Variants in MACROD2 observed in about 807,000 individuals in gnomAD.
The protein encoded by MACROD2 is mono-ADP ribosylhydrolase 2, also known as ADP-ribose glycohydrolase MACROD2.
MACROD2 carries 36 observed loss-of-function variants against 70.4 expected under a neutral mutation model. The ratio of observed to expected loss-of-function variants is 0.51; its 90% CI spans 0.39 to 0.68. The LOEUF (loss-of-function observed/expected upper bound fraction) is 0.68. Ranked by LOEUF, MACROD2 falls within the 30% of genes least tolerant of loss-of-function variation. The probability of loss-of-function intolerance (pLI) is 0.00; values close to 1 mark genes in which losing one functional copy is unlikely to be tolerated. For missense variants in MACROD2, 496 were observed against 538.4 expected (o/e 0.92, Z 0.78); for synonymous variants, 172 against 178.8 (o/e 0.96, Z 0.30).
At chr20:15,567,436 G>A (rs545197543) in intron 8 of MACROD2, among the ~76,000 whole-genome samples, 1 of 152,262 alleles carries the variant, frequency 6.6e-6, no homozygotes, top group African/African-American at 2.4e-5. Context: ...GAGATGCCAG[G>A]ACGCGCTGCC....
chr20:14,746,517 G>A (rs994717830), intron 5 of MACROD2, among the ~76,000 whole-genome samples: 8 of 152,146 alleles, frequency 5.3e-5, no homozygotes, highest in African/African-American at 1.9e-4. Context: ...GTATGTGTGT[G>A]TGTCTGTGTC....
chr20:15,813,853 G>C lies in MACROD2; in HGVS notation c.646-48892G>C, dbSNP rs543197890. 3.9e-5 allele frequency among the ~76,000 whole-genome samples: 6 copies of C among 152,226 alleles called. No homozygotes were observed. In the East Asian group the frequency reaches 1.2e-3, roughly 29 times the overall value. ...GACAGTGTGATACATGTGTACATAG[G>C]GAAGAAACTAGCCCACGGAGTTCAC... On this transcript the variant is annotated intron_variant, in intron 8 of 17. Coordinates refer to ENST00000684519, the MANE Select transcript of MACROD2 (RefSeq NM_001351661.2).
At chr20:14,790,548 G>A (rs2208083) in intron 5 of MACROD2, among the ~76,000 whole-genome samples, 130,848 of 152,096 alleles carry the variant, frequency 0.86, 56,792 homozygotes, top group African/African-American at 0.92. Context: ...CAAGGCAGAG[G>A]CATATTGTGC....
At chr20:14,679,244 G>T (rs1348664239) in intron 4 of MACROD2, among the ~76,000 whole-genome samples, 1 of 152,168 alleles carries the variant, frequency 6.6e-6, no homozygotes, top group Non-Finnish European at 1.5e-5. Context: ...GTTGTAAATG[G>T]TTTCTTAAAA....
At chr20:14,763,454 G>A (rs1334739737) in intron 5 of MACROD2, among the ~76,000 whole-genome samples, 1 of 152,088 alleles carries the variant, frequency 6.6e-6, no homozygotes, top group African/African-American at 2.4e-5. Context: ...GTTTCTCTCT[G>A]TGACTTTGTG....
Position 15,832,601 on chromosome 20 carries a change from G to C in MACROD2, c.646-30144G>C, listed in dbSNP as rs546052611. On this transcript the variant is annotated intron_variant, in intron 8 of 17. Coordinates refer to ENST00000684519, the MANE Select transcript of MACROD2 (RefSeq NM_001351661.2). ...GGAAAAAACACCCATACATATTCCC[G>C]TTTATAAATTGCCAGGCTTCTGTCA... Among the ~76,000 whole-genome samples the C allele has an allele frequency of 2.5e-4, 38 of 152,326 alleles. 3 individuals are homozygous for C. In the South Asian group the frequency reaches 6.8e-3, roughly 27 times the overall value.
intron 8 of MACROD2, among the ~76,000 whole-genome samples, chr20:15,765,838 A>C (rs985902557): frequency 1.3e-5 from 2 of 152,208 alleles, no homozygotes; most frequent in Non-Finnish European, 2.9e-5. Flanking sequence ...TGCAATGACA[A>C]TCTATACAAT....
intron 8 of MACROD2, among the ~76,000 whole-genome samples, chr20:15,656,944 T>G (rs1171998192): frequency 6.6e-6 from 1 of 152,134 alleles, no homozygotes; most frequent in Non-Finnish European, 1.5e-5. Context: ...TAAGTAAGTA[T>G]ATGATAAAAA....
At position 15,933,284 on chromosome 20, in the gene MACROD2, G is replaced by T. The variant is rs747259774; in HGVS notation, c.784G>T (p.Gly262Cys). The change falls in exon 11 of 18, where the codon GGT (glycine) becomes TGT (cysteine). Residue 262 changes from glycine to cysteine, a missense_variant. Transcript: ENST00000684519. ...VEMKEDSDEN[G>C]PEEKQSVEEM... is the part of the protein sequence containing the mutation. ...TGTGGTTTTCTTGAAAGATGAGAAC[G>T]GTCCAGAGGAGAAGCAAAGTGTGGA... 7 of 1,613,018 alleles carry T rather than the reference G, an allele frequency of 4.3e-6. No individual in the cohort carries two copies. Among genetic ancestry groups the T allele is most frequent in the Non-Finnish European group, 5.1e-6 (6 of 1,179,380 alleles).
intron 8 of MACROD2, among the ~76,000 whole-genome samples, chr20:15,594,107 G>A (rs974371554): frequency 6.6e-6 from 1 of 152,156 alleles, no homozygotes; most frequent in Non-Finnish European, 1.5e-5. Flanking sequence ...AAGAGTGTGG[G>A]CATTGAAGAC....
At chr20:15,082,393 A>G (rs1338756953) in intron 5 of MACROD2, among the ~76,000 whole-genome samples, 4 of 152,156 alleles carry the variant, frequency 2.6e-5, no homozygotes, top group Non-Finnish European at 4.4e-5. Flanking sequence ...GGAAAAAGAT[A>G]ATATAGAATG....
intron 4 of MACROD2, among the ~76,000 whole-genome samples, chr20:14,509,996 A>T (rs2085011353): frequency 6.6e-6 from 1 of 152,062 alleles, no homozygotes; most frequent in South Asian, 2.1e-4. Flanking sequence ...TTCCCTTTTA[A>T]AAGTCTTTAT....
intron 8 of MACROD2, among the ~76,000 whole-genome samples, chr20:15,860,333 C>G (rs1309945234): frequency 6.6e-6 from 1 of 152,100 alleles, no homozygotes; most frequent in Non-Finnish European, 1.5e-5. Context: ...CACTGTTCAG[C>G]CTTGTCTTCT....
chr20:15,739,907 C>T (rs1033246389), intron 8 of MACROD2, among the ~76,000 whole-genome samples: 1 of 152,194 alleles, frequency 6.6e-6, no homozygotes, highest in African/African-American at 2.4e-5. Flanking sequence ...ATAATAATGG[C>T]ATTACATTTC....
At chr20:15,413,034 G>A (rs1236289469) in intron 6 of MACROD2, among the ~76,000 whole-genome samples, 1 of 152,116 alleles carries the variant, frequency 6.6e-6, no homozygotes, top group Non-Finnish European at 1.5e-5. Flanking sequence ...GTAGAATAAA[G>A]ATCCATTAGT....
chr20:14,444,146 G>A (rs890136691), intron 3 of MACROD2, among the ~76,000 whole-genome samples: 4 of 152,060 alleles, frequency 2.6e-5, no homozygotes, highest in Admixed American at 6.5e-5. Context: ...AGGGGATACA[G>A]TAAATTAGAA....
chr20:14,029,606 T>C (rs1017936875), intron 2 of MACROD2, among the ~76,000 whole-genome samples: 1 of 152,096 alleles, frequency 6.6e-6, no homozygotes, highest in Non-Finnish European at 1.5e-5. Flanking sequence ...ATTTAAAAAA[T>C]TTTAATTACT....
chr20:15,376,326 G>A (rs1293515552), intron 6 of MACROD2, among the ~76,000 whole-genome samples: 3 of 152,126 alleles, frequency 2.0e-5, no homozygotes, highest in South Asian at 2.1e-4. Context: ...TGGATACAGA[G>A]AGAACTTGGA....
chr20:15,809,861 CTT>C (rs56350068), intron 8 of MACROD2, among the ~76,000 whole-genome samples: 9 of 141,970 alleles, frequency 6.3e-5, no homozygotes, highest in East Asian at 2.1e-4. Flanking sequence ...GCCACCCTAT[CTT>C]TTTTTTTTTT....
Sources: allele counts gnomAD v4.1 joint callset (sites outside exome capture counted in the v4.1 genomes callset), GRCh38; gene constraint gnomAD v4.1.1; transcripts MANE v1.5; gene names NCBI Gene and HGNC (gene_info 2026-07-23, HGNC 2026-07-21).